The following NRCAM variants were observed in gnomAD, a reference collection of about 807,000 sequenced individuals.
NRCAM encodes the protein NgCAM-related cell adhesion molecule.
In NRCAM, 83 loss-of-function variants were observed where a neutral mutation model predicts 156.5. That is an observed-to-expected ratio of 0.53 (90% CI 0.44 to 0.64). The LOEUF (loss-of-function observed/expected upper bound fraction) is 0.64, where lower values mean the gene tolerates loss of function less well. Among genes scored for constraint, NRCAM ranks in the 30% least tolerant of loss-of-function variants. The probability of loss-of-function intolerance (pLI) is 0.00; values close to 1 mark genes in which losing one functional copy is unlikely to be tolerated. For synonymous variants in NRCAM, 538 were observed against 563.9 expected, an observed-to-expected ratio of 0.95 and a Z score of 0.65; for missense variants, 1,417 against 1,597.3, an observed-to-expected ratio of 0.89 and a Z score of 1.92.
intron 25 of NRCAM, among the ~76,000 whole-genome samples, 176 bp downstream of exon 25, chr7:108,180,047 T>G (rs2062651425): frequency 6.6e-6 from 1 of 152,208 alleles, no homozygotes; most frequent in Non-Finnish European, 1.5e-5. Flanking sequence ...TATGTACACT[T>G]AGGCCCACAT....
At chr7:108,164,871 G>A (rs1045948068) in intron 30 of NRCAM, among the ~76,000 whole-genome samples, 3 of 152,114 alleles carry the variant, frequency 2.0e-5, no homozygotes, top group African/African-American at 2.4e-5. Flanking sequence ...CACCTATCAC[G>A]ATTCCTCACC....
At chr7:108,401,350 T>G (rs1014114) in intron 1 of NRCAM, among the ~76,000 whole-genome samples, 128,705 of 152,008 alleles carry the variant, frequency 0.85, 54,707 homozygotes, top group South Asian at 0.92. Flanking sequence ...AGACTAGTCT[T>G]GGCAACATGA....
chr7:108,411,617 C>T (rs1208745010), intron 1 of NRCAM, among the ~76,000 whole-genome samples: 2 of 152,118 alleles, frequency 1.3e-5, no homozygotes, highest in Non-Finnish European at 2.9e-5. Flanking sequence ...GCAACCTCTG[C>T]CTCCTGGGTT....
intron 6 of NRCAM, 152 bp downstream of exon 6, chr7:108,234,431 T>C (rs887452578): frequency 1.3e-5 from 8 of 608,992 alleles, no homozygotes; most frequent in African/African-American, 1.3e-4. Flanking sequence ...CAAAGGGCAA[T>C]CTAGTGAGTC....
intron 1 of NRCAM, among the ~76,000 whole-genome samples, chr7:108,406,504 C>A (rs2099807899): frequency 6.6e-6 from 1 of 152,204 alleles, no homozygotes; most frequent in Non-Finnish European, 1.5e-5. Context: ...TACAGAGACT[C>A]ATTTCATGTC....
chr7:108,389,292 T>A (rs1378471884), intron 2 of NRCAM, among the ~76,000 whole-genome samples: 1 of 152,204 alleles, frequency 6.6e-6, no homozygotes, highest in Admixed American at 6.5e-5. Flanking sequence ...GTAAGTTGGA[T>A]TCCTAGGTAT....
chr7:108,225,076 T>C (rs1234078370), intron 10 of NRCAM, among the ~76,000 whole-genome samples: 1 of 152,202 alleles, frequency 6.6e-6, no homozygotes, highest in Non-Finnish European at 1.5e-5. Context: ...CTATCTAAAA[T>C]AATGAAGGTA....
At chr7:108,189,802 C>T in intron 19 of NRCAM, 56 bp from the exon 20 acceptor site, 1 of 730,878 alleles carries the variant, frequency 1.4e-6, no homozygotes, top group South Asian at 1.6e-5. Flanking sequence ...AGAGGCTCTC[C>T]TTTACTCGTG....
At chr7:108,343,196 T>A (rs1163312416) in intron 2 of NRCAM, among the ~76,000 whole-genome samples, 1 of 152,192 alleles carries the variant, frequency 6.6e-6, no homozygotes, top group East Asian at 1.9e-4. Context: ...AGTGCTCAGC[T>A]GGCAGAACTA....
intron 2 of NRCAM, among the ~76,000 whole-genome samples, chr7:108,382,810 A>G (rs1045903020): frequency 6.6e-6 from 1 of 152,070 alleles, no homozygotes; most frequent in African/African-American, 2.4e-5. Flanking sequence ...TGACTCTGTA[A>G]AGTAATTACC....
At chr7:108,172,973 T>C (rs938726532) in intron 28 of NRCAM, among the ~76,000 whole-genome samples, 9 of 142,544 alleles carry the variant, frequency 6.3e-5, no homozygotes, top group African/African-American at 1.5e-4. Context: ...TAAAATCTTA[T>C]GAGATGTTGA....
intron 5 of NRCAM, among the ~76,000 whole-genome samples, chr7:108,235,035 G>GT (rs2094782017): frequency 6.6e-6 from 1 of 152,106 alleles, no homozygotes; most frequent in Non-Finnish European, 1.5e-5. Context: ...TTCAAATGAT[G>GT]TTTTTCAAAG....
intron 20 of NRCAM, among the ~76,000 whole-genome samples, chr7:108,188,269 A>G (rs2153417994): frequency 6.6e-6 from 1 of 152,284 alleles, no homozygotes; most frequent in Non-Finnish European, 1.5e-5. Context: ...CCCAAGGAGC[A>G]TGGCCTCACG....
At chr7:108,370,557 T>C (rs1459811542) in intron 2 of NRCAM, among the ~76,000 whole-genome samples, 1 of 152,186 alleles carries the variant, frequency 6.6e-6, no homozygotes, top group African/African-American at 2.4e-5. Context: ...TTAGCAATCA[T>C]GCTATTTCTG....
chr7:108,275,960 C>T (rs1250188407), intron 3 of NRCAM, among the ~76,000 whole-genome samples: 1 of 152,168 alleles, frequency 6.6e-6, no homozygotes, highest in East Asian at 1.9e-4. Context: ...TTTCAAAGAA[C>T]ATCTTTATTT....
At chr7:108,444,205 G>C (rs894159824) in intron 1 of NRCAM, among the ~76,000 whole-genome samples, 2 of 152,120 alleles carry the variant, frequency 1.3e-5, no homozygotes, top group Middle Eastern at 3.2e-3. Flanking sequence ...GATGTATGTA[G>C]GTTATACGCA....
intron 22 of NRCAM, among the ~76,000 whole-genome samples, 162 bp from the exon 23 acceptor site, chr7:108,183,082 A>T (rs2064393735): frequency 6.6e-6 from 1 of 152,260 alleles, no homozygotes. Context: ...TCAATTGTGC[A>T]TTTGCAATGA....
chr7:108,393,229 C>G (rs149392232), intron 2 of NRCAM, among the ~76,000 whole-genome samples: 2 of 152,138 alleles, frequency 1.3e-5, no homozygotes, highest in Non-Finnish European at 2.9e-5. Context: ...TCGAGCTTCC[C>G]GGCAGCTTTG....
chr7:108,344,024 T>G (rs542708521), intron 2 of NRCAM, among the ~76,000 whole-genome samples: 1 of 152,174 alleles, frequency 6.6e-6, no homozygotes, highest in Non-Finnish European at 1.5e-5. Flanking sequence ...CATGCTCTGA[T>G]GTTAATGACA....
Sources: gnomAD v4.1 joint callset for allele counts (sites outside exome capture counted in the v4.1 genomes callset) on GRCh38, gnomAD v4.1.1 for gene constraint, MANE v1.5 for transcripts, NCBI Gene and HGNC (gene_info 2026-07-23, HGNC 2026-07-21) for gene names.